SESTD1: variants seen among roughly 807,000 people sequenced by gnomAD.
The protein encoded by SESTD1 is SEC14 domain and spectrin repeat-containing protein 1.
In SESTD1, 43 loss-of-function variants were observed where a neutral mutation model predicts 101.7. The observed-to-expected ratio is 0.42, with a 90% confidence interval of 0.33 to 0.55. SESTD1 has a LOEUF of 0.55. Ranked by LOEUF, SESTD1 falls within the 20% of genes least tolerant of loss-of-function variation. SESTD1 has a pLI of 0.07. For synonymous variants in SESTD1, 283 were observed against 286.8 expected (o/e 0.99, Z 0.13); for missense variants, 647 against 815.1 (o/e 0.79, Z 2.51).
chr2:179,191,729 A>G, intron 2 of SESTD1, 58 bp downstream of exon 2: 3 of 1,393,534 alleles, frequency 2.2e-6, no homozygotes, highest in Non-Finnish European at 3.0e-6. Flanking sequence ...CTTAACAAAG[A>G]AGAAACTATT....
intron 3 of SESTD1, among the ~76,000 whole-genome samples, chr2:179,177,750 T>C (rs2046035957): frequency 6.6e-6 from 1 of 152,202 alleles, no homozygotes; most frequent in Non-Finnish European, 1.5e-5. Flanking sequence ...CATGTAAATA[T>C]TCACAGCAGA....
In SESTD1 at chr2:179,225,886, C is replaced by G. The variant is rs373121527; in HGVS notation, c.-25-34020G>C. On this transcript the variant is annotated intron_variant, in intron 1 of 17. Transcript: ENST00000428443. ...ATGCAACCACAGTTGGAACTAAGTT[C>G]CAACACATGAATTTTGGGGGACATT... Among the ~76,000 whole-genome samples the G allele has an allele frequency of 1.5e-4, 23 of 152,232 alleles. No homozygotes were observed. In the South Asian group the frequency reaches 3.7e-3, roughly 25 times the overall value.
chr2:179,259,917 C>T lies in SESTD1; in HGVS notation c.-26+4582G>A, dbSNP rs184560258. Among the ~76,000 whole-genome samples the T allele has an allele frequency of 1.2e-3, 182 of 152,292 alleles. 1 individual carries two copies. The highest frequency in any genetic ancestry group is 4.3e-3 in the African/African-American group (179 of 41,552). On this transcript the variant is annotated intron_variant, in intron 1 of 17. Coordinates refer to ENST00000428443, the MANE Select transcript of SESTD1 (RefSeq NM_178123.5). ...TTAGTCAATGATTTTACCTACCATC[C>T]TTCTTAAAGAGTGTATTTAGATACC...
At chr2:179,129,724 T>C (rs1187950909) in intron 10 of SESTD1, among the ~76,000 whole-genome samples, 2 of 152,200 alleles carry the variant, frequency 1.3e-5, no homozygotes, top group African/African-American at 4.8e-5. Flanking sequence ...TAACTCTTAG[T>C]TACAGAGAGA....
intron 1 of SESTD1, among the ~76,000 whole-genome samples, chr2:179,254,809 G>C (rs2047368436): frequency 6.6e-6 from 1 of 152,208 alleles, no homozygotes; most frequent in South Asian, 2.1e-4. Flanking sequence ...GTGCTTTGCA[G>C]ATATTGTATT....
intron 9 of SESTD1, among the ~76,000 whole-genome samples, chr2:179,143,262 T>C (rs1355805027): frequency 6.6e-6 from 1 of 152,144 alleles, no homozygotes; most frequent in Non-Finnish European, 1.5e-5. Context: ...AAAACTAAGT[T>C]ATTAGAAATT....
chr2:179,191,129 C>T (rs540964370), intron 2 of SESTD1, among the ~76,000 whole-genome samples: 4 of 152,244 alleles, frequency 2.6e-5, no homozygotes, highest in East Asian at 3.9e-4. Context: ...TGCATTCATA[C>T]GTTCCTTGCA....
At position 179,218,362 on chromosome 2, in the gene SESTD1, G is replaced by C. The variant is rs79620431; in HGVS notation, c.-25-26496C>G. The stretch of plus-strand genomic sequence containing the variant: ...AAGAATTAAGGAATTCACAACATTC[G>C]TAACAAAAAAAATACACAGCACTTC... On this transcript the variant is annotated intron_variant, in intron 1 of 17. Transcript: ENST00000428443. Among the ~76,000 whole-genome samples, 1,409 of 151,928 alleles carry C rather than the reference G, an allele frequency of 9.3e-3. 17 individuals carry two copies. Among genetic ancestry groups the C allele is most frequent in the Middle Eastern group, 0.031 (9 of 294 alleles).
chr2:179,146,379 C>G (rs200623866), intron 8 of SESTD1, 23 bp downstream of exon 8: 1 of 1,585,024 alleles, frequency 6.3e-7, no homozygotes, highest in African/African-American at 1.3e-5. Flanking sequence ...GGATTATTAT[C>G]ACAAATATTT....
At position 179,143,554 on chromosome 2, in the gene SESTD1, A is replaced by G. The variant is rs760533200; in HGVS notation, c.849+38T>C. The G allele has an allele frequency of 2.5e-5, 39 of 1,573,104 alleles. 1 individual carries two copies. In the South Asian group the frequency reaches 4.1e-4, roughly 17 times the overall value. On this transcript the variant is annotated intron_variant, in intron 9 of 17. Transcript: ENST00000428443. ...AGTCACATAGTAGAAATTATAAGGA[A>G]TTAAAAAGAGTTAAATATATTCAAA...
Position 179,124,545 on chromosome 2 carries a change from A to G in SESTD1, c.986T>C (p.Val329Ala), listed in dbSNP as rs753405615. 6.2e-7 allele frequency: 1 copy of G among 1,613,118 alleles called. No individual in the cohort carries two copies. Among genetic ancestry groups the G allele is most frequent in the Non-Finnish European group, 8.5e-7 (1 of 1,179,284 alleles). ...AATTTGCTGATTAAGTTCCACATAC[A>G]CTGCAAACCATTCCTGTAATCAAGA... ...IESQHSEWFAVYVELNQQIAA... is the reference protein window; with the variant it reads ...IESQHSEWFAAYVELNQQIAA... The change falls in exon 11 of 18, where the codon GTG (valine) becomes GCG (alanine). Residue 329 changes from valine (V) to alanine (A), a missense_variant. Around this residue, in one of 3 missense-constraint regions of SESTD1, gnomAD observed 476 missense variants for 562.6 expected, o/e 0.85. Transcript: ENST00000428443.
chr2:179,131,263 A>G (rs1013494831), intron 10 of SESTD1, among the ~76,000 whole-genome samples: 5 of 152,200 alleles, frequency 3.3e-5, no homozygotes, highest in African/African-American at 9.6e-5. Flanking sequence ...TAGAAGAAAA[A>G]TAAGAATCAG....
At chr2:179,243,374 G>T (rs2047182515) in intron 1 of SESTD1, among the ~76,000 whole-genome samples, 1 of 152,118 alleles carries the variant, frequency 6.6e-6, no homozygotes, top group Non-Finnish European at 1.5e-5. Flanking sequence ...CTTAAAACAG[G>T]ACTACCATTC....
Position 179,116,759 on chromosome 2 carries a change from G to C in SESTD1, c.1556C>G (p.Ala519Gly). Residue 519 changes from alanine to glycine, a missense_variant, in exon 15 of 18, where the codon GCT becomes GGT. Coordinates refer to ENST00000428443, the MANE Select transcript of SESTD1 (RefSeq NM_178123.5). ...CAATCTGATGTGAGTCTTAAGCAGA[G>C]CATCCAGAAGTTCACTTAGCCATTC... Reference protein sequence around the residue: ...AVEWLSELLDALLKTHIRLGD... With the variant: ...AVEWLSELLDGLLKTHIRLGD... The C allele has an allele frequency of 6.2e-7, 1 of 1,613,988 alleles. No homozygotes were observed. The highest frequency in any genetic ancestry group is 8.5e-7 in the Non-Finnish European group (1 of 1,179,938).
At chr2:179,196,811 TCAC>T (rs1412559194) in intron 1 of SESTD1, among the ~76,000 whole-genome samples, 1 of 151,988 alleles carries the variant, frequency 6.6e-6, no homozygotes, top group Admixed American at 6.6e-5. Flanking sequence ...CATCTGTACA[TCAC>T]CATCATCAAA....
At chr2:179,247,110 T>A (rs2047244168) in intron 1 of SESTD1, among the ~76,000 whole-genome samples, 2 of 152,206 alleles carry the variant, frequency 1.3e-5, no homozygotes, top group South Asian at 4.1e-4. Context: ...GCTGGGCACA[T>A]ATTTTTAAAG....
At chr2:179,115,312 G>C in intron 15 of SESTD1, 56 bp from the exon 16 acceptor site, 1 of 1,348,470 alleles carries the variant, frequency 7.4e-7, no homozygotes. Context: ...AGAGAAGGAT[G>C]GGGAAAGTGT....
intron 2 of SESTD1, among the ~76,000 whole-genome samples, chr2:179,191,285 A>T (rs922672489): frequency 4.6e-5 from 7 of 152,220 alleles, no homozygotes; most frequent in African/African-American, 1.7e-4. Flanking sequence ...CACAACATGG[A>T]TGCAGCCAGA....
intron 1 of SESTD1, among the ~76,000 whole-genome samples, chr2:179,219,520 T>C (rs1191081935): frequency 6.6e-6 from 1 of 152,256 alleles, no homozygotes; most frequent in Non-Finnish European, 1.5e-5. Context: ...ACTATAGTTA[T>C]AACTATCCTT....
Sources: allele counts gnomAD v4.1 joint callset (sites outside exome capture counted in the v4.1 genomes callset), GRCh38; gene constraint gnomAD v4.1.1; regional missense constraint gnomAD v4.1.1; transcripts MANE v1.5; gene names NCBI Gene and HGNC (gene_info 2026-07-23, HGNC 2026-07-21).